The following SH3RF3 variants were observed in gnomAD, a reference collection of about 807,000 sequenced individuals.
SH3RF3 encodes E3 ubiquitin-protein ligase SH3RF3.
Under a neutral mutation model 66.3 loss-of-function variants are expected in SH3RF3, and 29 were observed. The observed-to-expected ratio is 0.44, with a 90% confidence interval of 0.33 to 0.60. The LOEUF (loss-of-function observed/expected upper bound fraction) is 0.60. Ranked by LOEUF, SH3RF3 falls within the 20% of genes least tolerant of loss-of-function variation. The pLI, the probability that SH3RF3 is intolerant of heterozygous loss-of-function variation, is 0.04. For missense variants in SH3RF3, 1,194 were observed against 1,190.9 expected (o/e 1.00, Z -0.04); for synonymous variants, 583 against 532.0 (o/e 1.10, Z -1.32).
chr2:109,151,644 C>T (rs1407249811), intron 1 of SH3RF3, among the ~76,000 whole-genome samples: 2 of 152,232 alleles, frequency 1.3e-5, no homozygotes, highest in African/African-American at 2.4e-5. Context: ...TATTTCACCC[C>T]TGCAGTACAT....
chr2:109,272,892 C>A (rs966643219), intron 1 of SH3RF3, among the ~76,000 whole-genome samples: 2 of 152,202 alleles, frequency 1.3e-5, no homozygotes, highest in Non-Finnish European at 2.9e-5. Context: ...TGACCCGGTT[C>A]CCTTGTCATG....
At chr2:109,382,252 A>G (rs899092165) in intron 3 of SH3RF3, among the ~76,000 whole-genome samples, 2 of 145,364 alleles carry the variant, frequency 1.4e-5, no homozygotes, top group African/African-American at 2.9e-5. Context: ...TTCCTTAACC[A>G]TAGGGTCTGT....
rs952974170 is a variant in SH3RF3 at position 109,129,400 on chromosome 2, C to T, written c.-141C>T. 1.8e-5 allele frequency: 25 copies of T among 1,397,146 alleles called. No homozygotes were observed. The highest frequency in any genetic ancestry group is 2.3e-5 in the Non-Finnish European group (24 of 1,038,918). The allele number at this position is 1,397,146 out of a possible 1,614,324, so 86.5% of individuals were successfully genotyped here. ...TGAGCCACTTCGCACCGCCACAGCC[C>T]TAGCATCGGGCCACCAGCCGGGGTG... On this transcript the variant is annotated 5_prime_UTR_variant, in exon 1 of 10. Coordinates refer to ENST00000309415, the MANE Select transcript of SH3RF3 (RefSeq NM_001099289.3).
At chr2:109,265,878 C>A (rs1381053173) in intron 1 of SH3RF3, among the ~76,000 whole-genome samples, 2 of 152,130 alleles carry the variant, frequency 1.3e-5, no homozygotes, top group African/African-American at 4.8e-5. Flanking sequence ...GGCATTGAGA[C>A]CCTGCCAGCA....
At chr2:109,394,647 T>C (rs1484027259) in intron 3 of SH3RF3, among the ~76,000 whole-genome samples, 1 of 152,220 alleles carries the variant, frequency 6.6e-6, no homozygotes, top group African/African-American at 2.4e-5. Flanking sequence ...ATTGGGTGCA[T>C]TGGTTATGTG....
intron 6 of SH3RF3, 120 bp from the exon 7 acceptor site, chr2:109,436,773 C>G: frequency 7.0e-7 from 1 of 1,431,748 alleles, no homozygotes; most frequent in East Asian, 2.5e-5. Flanking sequence ...ACCTCGTCCC[C>G]AGATCAGTTG....
chr2:109,256,162 C>A (rs560942421), intron 1 of SH3RF3, among the ~76,000 whole-genome samples: 2 of 152,184 alleles, frequency 1.3e-5, no homozygotes, highest in Non-Finnish European at 2.9e-5. Context: ...CAGCACCTGG[C>A]GGAGGCCCTC....
chr2:109,343,469 G>A (rs928047951), intron 1 of SH3RF3, among the ~76,000 whole-genome samples: 2 of 152,118 alleles, frequency 1.3e-5, no homozygotes, highest in Admixed American at 1.3e-4. Flanking sequence ...CTGAGATGGG[G>A]ATACAGGGGG....
chr2:109,251,313 A>G (rs749839765), intron 1 of SH3RF3: 54 of 432,088 alleles, frequency 1.2e-4, no homozygotes, highest in Non-Finnish European at 1.3e-4. Context: ...GGCCCAAATT[A>G]TCTTTAACAA....
At chr2:109,412,516 C>T (rs1373913520) in intron 4 of SH3RF3, among the ~76,000 whole-genome samples, 2 of 152,248 alleles carry the variant, frequency 1.3e-5, no homozygotes, top group African/African-American at 2.4e-5. Flanking sequence ...CCACTCTTCC[C>T]GCTGCTGCAG....
rs551751310 is a variant in SH3RF3, at chr2:109,154,930, A to G, written c.573+24817A>G. 1.6e-4 allele frequency among the ~76,000 whole-genome samples: 24 copies of G among 152,312 alleles called. No individual in the cohort carries two copies. In the East Asian group the frequency reaches 2.3e-3, roughly 15 times the overall value. ...GCCTTTGGAGAGTGTTGGCTTTCCA[A>G]ATCACGACTTGTCAAAAGAGGCTTT... On this transcript the variant is annotated intron_variant, in intron 1 of 9. Coordinates refer to ENST00000309415, the MANE Select transcript of SH3RF3 (RefSeq NM_001099289.3).
chr2:109,458,460 A>G (rs181141217), intron 8 of SH3RF3, among the ~76,000 whole-genome samples: 97 of 152,192 alleles, frequency 6.4e-4, no homozygotes, highest in Admixed American at 3.0e-3. Context: ...ACTTCAGTTT[A>G]TTTAGTGTGA....
intron 4 of SH3RF3, among the ~76,000 whole-genome samples, chr2:109,405,105 C>T (rs1676420714): frequency 6.6e-6 from 1 of 151,696 alleles, no homozygotes; most frequent in Non-Finnish European, 1.5e-5. Context: ...CATGGGGGTT[C>T]ACCCTCTCCA....
chr2:109,184,841 A>G (rs1678151510), intron 1 of SH3RF3, among the ~76,000 whole-genome samples: 2 of 152,268 alleles, frequency 1.3e-5, no homozygotes, highest in South Asian at 4.1e-4. Flanking sequence ...GTGGTTGTCC[A>G]GAAAACTGAG....
In SH3RF3 at chr2:109,485,303, C is replaced by T. The variant is rs183067648; in HGVS notation, c.2149-5302C>T. On this transcript the variant is annotated intron_variant, in intron 8 of 9. Coordinates refer to ENST00000309415, the MANE Select transcript of SH3RF3 (RefSeq NM_001099289.3). ...AGGTAACTGAATAAATGTGCACTTACGGGTCACATGTACAGGTTTACTTCA... is the reference window on the plus strand; with the variant it reads ...AGGTAACTGAATAAATGTGCACTTATGGGTCACATGTACAGGTTTACTTCA... Among the ~76,000 whole-genome samples the T allele has an allele frequency of 1.7e-4, 26 of 152,328 alleles. 2 individuals carry two copies. The East Asian group carries it at 1.9e-3, about 11-fold the overall frequency.
At chr2:109,319,329 T>C (rs912487938) in intron 1 of SH3RF3, among the ~76,000 whole-genome samples, 2 of 152,242 alleles carry the variant, frequency 1.3e-5, no homozygotes, top group African/African-American at 2.4e-5. Context: ...CCTAAGCCAG[T>C]GCAGGTTAGT....
chr2:109,445,756 G>A (rs554134178), intron 7 of SH3RF3, among the ~76,000 whole-genome samples: 1 of 152,142 alleles, frequency 6.6e-6, no homozygotes, highest in South Asian at 2.1e-4. Flanking sequence ...GAAGTAGAGA[G>A]GGGGGTTGGC....
chr2:109,241,979 G>C (rs1180987851), intron 1 of SH3RF3, among the ~76,000 whole-genome samples: 1 of 151,820 alleles, frequency 6.6e-6, no homozygotes, highest in East Asian at 1.9e-4. Context: ...TGGTTTTCTT[G>C]GCCTGACACC....
At chr2:109,240,219 G>A (rs552947316) in intron 1 of SH3RF3, among the ~76,000 whole-genome samples, 1 of 152,206 alleles carries the variant, frequency 6.6e-6, no homozygotes, top group Non-Finnish European at 1.5e-5. Context: ...CAGGGTTGAA[G>A]CCAGGCATGG....
Sources: allele counts gnomAD v4.1 joint callset (sites outside exome capture counted in the v4.1 genomes callset), GRCh38; gene constraint gnomAD v4.1.1; transcripts MANE v1.5; gene names NCBI Gene and HGNC (gene_info 2026-07-23, HGNC 2026-07-21).